Variants in IGF2BP2 observed in about 807,000 individuals in gnomAD.
IGF2BP2 encodes the protein insulin-like growth factor 2 mRNA-binding protein 2.
A neutral mutation model predicts 75.8 loss-of-function variants in IGF2BP2; 17 were observed. The observed-to-expected ratio is 0.22, with a 90% confidence interval of 0.15 to 0.34. The LOEUF is 0.34. IGF2BP2 is among the 10% of genes least tolerant of loss of function. The probability of loss-of-function intolerance (pLI) is 1.00; values close to 1 mark genes in which losing one functional copy is unlikely to be tolerated. For missense variants in IGF2BP2, 516 were observed against 772.4 expected, an observed-to-expected ratio of 0.67 and a Z score of 3.93; for synonymous variants, 288 against 295.6, an observed-to-expected ratio of 0.97 and a Z score of 0.26.
At chr3:185,785,374 C>A (rs1735751381) in intron 2 of IGF2BP2, among the ~76,000 whole-genome samples, 1 of 151,216 alleles carries the variant, frequency 6.6e-6, no homozygotes, top group Admixed American at 6.6e-5. Flanking sequence ...CCGTTATGCC[C>A]CAGCATTTAG....
intron 2 of IGF2BP2, among the ~76,000 whole-genome samples, chr3:185,768,899 C>A (rs1033938342): frequency 1.3e-5 from 2 of 152,104 alleles, no homozygotes; most frequent in Admixed American, 6.6e-5. Flanking sequence ...TGGTGGCATG[C>A]GCCTGTAGTC....
chr3:185,746,199 A>G (rs1015054025), intron 2 of IGF2BP2, among the ~76,000 whole-genome samples: 2 of 152,222 alleles, frequency 1.3e-5, no homozygotes, highest in African/African-American at 2.4e-5. Flanking sequence ...TTTAAAAATA[A>G]GCCTGTTATA....
At chr3:185,817,777 T>C (rs1740796302) in intron 2 of IGF2BP2, among the ~76,000 whole-genome samples, 2 of 152,228 alleles carry the variant, frequency 1.3e-5, no homozygotes, top group Non-Finnish European at 1.5e-5. Context: ...TGCTTTTGAA[T>C]GAATACCCAA....
intron 2 of IGF2BP2, among the ~76,000 whole-genome samples, chr3:185,730,888 GTTTT>G (rs370195199): frequency 6.6e-6 from 1 of 151,564 alleles, no homozygotes; most frequent in South Asian, 2.1e-4. Flanking sequence ...AACATCTGTT[GTTTT>G]TTTTGAGTTT....
intron 2 of IGF2BP2, among the ~76,000 whole-genome samples, chr3:185,809,093 T>C (rs1395049472): frequency 6.6e-6 from 1 of 151,928 alleles, no homozygotes; most frequent in African/African-American, 2.4e-5. Flanking sequence ...GCTAGTTGGG[T>C]TTTTTGTTTT....
intron 2 of IGF2BP2, among the ~76,000 whole-genome samples, chr3:185,778,049 G>C (rs999060851): frequency 6.6e-6 from 1 of 151,446 alleles, no homozygotes; most frequent in South Asian, 2.1e-4. Flanking sequence ...GTGGAGGCTC[G>C]CTGAGCATTG....
At position 185,706,887 on chromosome 3, in the gene IGF2BP2, C is replaced by T. The variant is rs1243221935; in HGVS notation, c.240-8540G>A. ...TCCCGAGTAGCTGGGATGACAGGAGCGCACCACCACGCCTGGCTATATTTT... is the reference window on the plus strand; with the variant it reads ...TCCCGAGTAGCTGGGATGACAGGAGTGCACCACCACGCCTGGCTATATTTT... On this transcript the variant is annotated intron_variant, in intron 2 of 15. Transcript: ENST00000382199. 4.6e-5 allele frequency among the ~76,000 whole-genome samples: 7 copies of T among 151,652 alleles called. No homozygotes were observed. In the East Asian group the frequency reaches 5.8e-4, roughly 13 times the overall value.
intron 2 of IGF2BP2, among the ~76,000 whole-genome samples, chr3:185,793,474 C>T (rs532288441): frequency 2.2e-4 from 34 of 152,100 alleles, no homozygotes; most frequent in Non-Finnish European, 4.6e-4. Context: ...TGGCACTGTG[C>T]GTTTCAACCT....
intron 2 of IGF2BP2, among the ~76,000 whole-genome samples, chr3:185,771,185 A>C (rs1371951493): frequency 6.6e-6 from 1 of 152,154 alleles, no homozygotes; most frequent in African/African-American, 2.4e-5. Context: ...CACGCCTGTA[A>C]CCTCAGCACT....
At chr3:185,670,246 A>G (rs1422488492) in intron 10 of IGF2BP2, among the ~76,000 whole-genome samples, 1 of 152,250 alleles carries the variant, frequency 6.6e-6, no homozygotes, top group Non-Finnish European at 1.5e-5. Flanking sequence ...GAAGCTTTCC[A>G]ACTAGCAAAA....
rs1250610163 is a variant in IGF2BP2 at position 185,644,123 on chromosome 3, A to C, written c.*1408T>G. ...CAGTTGATATCTTATTTTTTTTCCA[A>C]CTCATTTTTATTAAAAAAATAAAAA... On this transcript the variant is annotated 3_prime_UTR_variant, in exon 16 of 16. Transcript: ENST00000382199. 2 of 151,198 alleles carry C rather than the reference A, an allele frequency of 1.3e-5. No homozygotes were observed. The highest frequency in any genetic ancestry group is 2.9e-5 in the Non-Finnish European group (2 of 67,802). 9.4% of individuals were successfully genotyped at this position (151,198 alleles called of 1,614,324 possible).
At chr3:185,662,089 G>A (rs964843905) in intron 10 of IGF2BP2, among the ~76,000 whole-genome samples, 1 of 152,142 alleles carries the variant, frequency 6.6e-6, no homozygotes, top group Non-Finnish European at 1.5e-5. Flanking sequence ...CGCCCTTGAC[G>A]GGTGCTATGT....
intron 7 of IGF2BP2, among the ~76,000 whole-genome samples, chr3:185,678,445 GAATTCTCTT>G (rs1719876312): frequency 6.6e-6 from 1 of 152,198 alleles, no homozygotes. Context: ...AAAAAATGCT[GAATTCTCTT>G]AATTTTCCTT....
At chr3:185,686,595 C>T (rs1300898671) in intron 7 of IGF2BP2, among the ~76,000 whole-genome samples, 1 of 152,152 alleles carries the variant, frequency 6.6e-6, no homozygotes, top group Non-Finnish European at 1.5e-5. Context: ...ACTTTCTACA[C>T]TTGCACTGTC....
intron 4 of IGF2BP2, among the ~76,000 whole-genome samples, chr3:185,694,585 C>G (rs1722342987): frequency 6.6e-6 from 1 of 152,174 alleles, no homozygotes; most frequent in Admixed American, 6.5e-5. Flanking sequence ...AACAATAGCC[C>G]AACAGTTCTA....
intron 2 of IGF2BP2, among the ~76,000 whole-genome samples, chr3:185,739,213 A>C (rs1729226161): frequency 6.6e-6 from 1 of 152,202 alleles, no homozygotes; most frequent in Non-Finnish European, 1.5e-5. Context: ...GGCCATTGCA[A>C]CTGTACTAGG....
At chr3:185,714,490 T>C (rs184435314) in intron 2 of IGF2BP2, among the ~76,000 whole-genome samples, 65 of 152,324 alleles carry the variant, frequency 4.3e-4, no homozygotes, top group African/African-American at 1.5e-3. Flanking sequence ...GGCTGTGCAT[T>C]TGTAACATCA....
chr3:185,800,388 C>A (rs1234849366), intron 2 of IGF2BP2, among the ~76,000 whole-genome samples: 1 of 152,034 alleles, frequency 6.6e-6, no homozygotes, highest in Non-Finnish European at 1.5e-5. Flanking sequence ...TGTAACAAAC[C>A]TGCACATTGT....
intron 2 of IGF2BP2, among the ~76,000 whole-genome samples, chr3:185,715,224 G>A (rs1725410941): frequency 6.6e-6 from 1 of 152,218 alleles, no homozygotes; most frequent in Non-Finnish European, 1.5e-5. Flanking sequence ...AGGCATGGCA[G>A]CCAGAACAGG....
Sources: gnomAD v4.1 joint callset for allele counts (sites outside exome capture counted in the v4.1 genomes callset) on GRCh38, gnomAD v4.1.1 for gene constraint, MANE v1.5 for transcripts, NCBI Gene and HGNC (gene_info 2026-07-23, HGNC 2026-07-21) for gene names.